Variants in ATP4B observed in about 807,000 individuals in gnomAD.
ATP4B encodes ATPase H+/K+ transporting subunit beta, also known as potassium-transporting ATPase subunit beta.
ATP4B carries 27 observed loss-of-function variants against 35.3 expected under a neutral mutation model. That is an observed-to-expected ratio of 0.76 (90% CI 0.56 to 1.05). The LOEUF is 1.05. Among genes scored for constraint, ATP4B ranks in the 50% least tolerant of loss-of-function variants. The pLI, the probability that ATP4B is intolerant of heterozygous loss-of-function variation, is 0.00. For synonymous variants in ATP4B, 162 were observed against 156.0 expected (o/e 1.04, Z -0.29); for missense variants, 375 against 384.8 (o/e 0.97, Z 0.21).
At chr13:113,657,980 G>A (rs1009412659) in intron 1 of ATP4B, 53 bp downstream of exon 1, 173 of 1,430,916 alleles carry the variant, frequency 1.2e-4, no homozygotes, top group East Asian at 8.1e-4. Context: ...TGGAGGCTGC[G>A]TCCTCAGAGC....
chr13:113,653,123 G>A (rs756439985), intron 3 of ATP4B, 51 bp from the exon 4 acceptor site: 54 of 1,571,222 alleles, frequency 3.4e-5, no homozygotes, highest in Non-Finnish European at 4.4e-5. Context: ...CCTGACGCCT[G>A]GCTGCCCCCC....
chr13:113,653,802 G>T (rs1473673852), intron 2 of ATP4B, among the ~76,000 whole-genome samples: 1 of 152,242 alleles, frequency 6.6e-6, no homozygotes, highest in Non-Finnish European at 1.5e-5. Context: ...ACTGGTTTTG[G>T]TTAAGAACAA....
rs2049741365 is a variant in ATP4B, at chr13:113,654,878, G to C, written c.177C>G (p.Leu59=). 6.2e-7 allele frequency: 1 copy of C among 1,614,126 alleles called. No homozygotes were observed. The highest frequency in any genetic ancestry group is 8.5e-7 in the Non-Finnish European group (1 of 1,180,048). ...VVMTGLFALC[L]YVLMQTVDPY... ...GGTCCACTGTCTGCATCAGCACATA[G>C]AGGCACAGGGCGAAGAGCCCAGTCA... The change falls in exon 2 of 7, where the codon CTC becomes CTG. Residue 59 remains leucine, a synonymous_variant. Transcript: ENST00000335288.
chr13:113,650,380 G>C lies in ATP4B; in HGVS notation c.714+26C>G. 1 of 1,598,900 alleles carries C rather than the reference G, an allele frequency of 6.3e-7. No homozygotes were observed. The highest frequency in any genetic ancestry group is 8.6e-7 in the Non-Finnish European group (1 of 1,166,500). The stretch of plus-strand genomic sequence containing the variant: ...TGAGAGGACTCAGCAGCTGTGGTGA[G>C]GGAAGCGTGGAAGGAAGGAACCTAC... On this transcript the variant is annotated intron_variant, in intron 6 of 6. Transcript: ENST00000335288. This position sits in a 1 kb window ranked among gnomAD's most constrained non-coding sequence, Gnocchi z 5.0.
chr13:113,652,737 A>G (rs2049721646), intron 4 of ATP4B, 136 bp downstream of exon 4: 1 of 981,774 alleles, frequency 1.0e-6, no homozygotes, highest in Non-Finnish European at 1.6e-6. Context: ...ACCAAGGTAC[A>G]GGGTGGTGAG....
At chr13:113,654,751 A>C (rs1054048726) in intron 2 of ATP4B, 63 bp downstream of exon 2, 127 of 1,570,990 alleles carry the variant, frequency 8.1e-5, no homozygotes, top group Non-Finnish European at 8.8e-5. Flanking sequence ...GGGCGTCTCC[A>C]GAGCCGAGGA....
At chr13:113,653,971 T>A (rs562880388) in intron 2 of ATP4B, among the ~76,000 whole-genome samples, 14 of 152,308 alleles carry the variant, frequency 9.2e-5, no homozygotes, top group Middle Eastern at 6.8e-3. Context: ...GAAACGTGTG[T>A]TTACTGCAGG....
In ATP4B at chr13:113,652,883, TTAA is replaced by T. The variant is rs2049723023; in HGVS notation, c.542_544del (p.Ile181del). On this transcript the variant is annotated inframe_deletion, in exon 4 of 7. Transcript: ENST00000335288. Reference sequence around the variant, plus strand: ...ACCCTCAGTACTCACCCTGTTCATTTTAATAATAAAACATGGCTTTCCTTCTTC... The same window carrying T: ...ACCCTCAGTACTCACCCTGTTCATTTTAATAAAACATGGCTTTCCTTCTTC... 1 of 1,614,202 alleles carries T rather than the reference TTAA, an allele frequency of 6.2e-7. No individual in the cohort carries two copies. The highest frequency in any genetic ancestry group is 8.5e-7 in the Non-Finnish European group (1 of 1,180,026).
At chr13:113,655,936 G>C (rs2049751408) in intron 1 of ATP4B, among the ~76,000 whole-genome samples, 1 of 152,246 alleles carries the variant, frequency 6.6e-6, no homozygotes, top group Non-Finnish European at 1.5e-5. Context: ...CCTCTTCTGT[G>C]AGCTGGGACA....
rs1458845073 is a variant in ATP4B at position 113,652,755 on chromosome 13, TC to T, written c.555+117del. The T allele has an allele frequency of 2.5e-6, 3 of 1,177,242 alleles. No individual in the cohort carries two copies. The African/African-American group carries it at 4.6e-5, about 18-fold the overall frequency. 72.9% of individuals were successfully genotyped at this position (1,177,242 alleles called of 1,614,324 possible). A position where few individuals can be genotyped will look rare whatever the true frequency, so the allele number is the denominator to read the frequency against. Reference sequence around the variant, plus strand: ...AAGGTACAGGGTGGTGAGGCTGGAGTCCCTGTCCCGCTTGGGCAAGCCCCAG... The same window carrying T: ...AAGGTACAGGGTGGTGAGGCTGGAGTCCTGTCCCGCTTGGGCAAGCCCCAG... On this transcript the variant is annotated intron_variant, in intron 4 of 6. Coordinates refer to ENST00000335288, the MANE Select transcript of ATP4B (RefSeq NM_000705.4).
Position 113,650,414 on chromosome 13 carries a change from T to A in ATP4B, c.706A>T (p.Lys236Ter). 6.2e-7 allele frequency: 1 copy of A among 1,613,814 alleles called. No homozygotes were observed. The highest frequency in any genetic ancestry group is 8.5e-7 in the Non-Finnish European group (1 of 1,179,730). ...SLHYFPYYGK[K>*]AQPHYSNPLV... is the part of the protein sequence containing the mutation. The stretch of plus-strand genomic sequence containing the variant: ...GGAAGGAAGGAACCTACCTGGGCTT[T>A]CTTCCCGTAATAAGGGAAGTAGTGC... The change falls in exon 6 of 7, where the codon AAA (lysine) becomes TAA (stop). Residue 236 changes from lysine (K) to a stop codon, truncating the protein, a stop_gained. Coordinates refer to ENST00000335288, the MANE Select transcript of ATP4B (RefSeq NM_000705.4). LOFTEE classifies it high-confidence loss of function. The surrounding 1 kb of genome is among the most constrained non-coding windows in gnomAD (Gnocchi z 5.0).
In ATP4B at chr13:113,649,788, G is replaced by A. The variant is rs1324254073; in HGVS notation, c.715-253C>T. On this transcript the variant is annotated intron_variant, in intron 6 of 6. Transcript: ENST00000335288. The surrounding 1 kb of genome is among the most constrained non-coding windows in gnomAD (Gnocchi z 4.7). Reference sequence around the variant, plus strand: ...GCTTCAAACTCTTACGATGATTAACGTAAAAATGAAACAGGAAAAGCACGT... The same window carrying A: ...GCTTCAAACTCTTACGATGATTAACATAAAAATGAAACAGGAAAAGCACGT... 3.3e-5 allele frequency among the ~76,000 whole-genome samples: 5 copies of A among 152,150 alleles called. No homozygotes were observed. Among genetic ancestry groups the A allele is most frequent in the Non-Finnish European group, 7.4e-5 (5 of 68,018 alleles).
intron 1 of ATP4B, among the ~76,000 whole-genome samples, chr13:113,657,273 C>G (rs1367707759): frequency 6.6e-6 from 1 of 152,214 alleles, no homozygotes; most frequent in Non-Finnish European, 1.5e-5. Flanking sequence ...GGGGACGGCA[C>G]CAGGCCAGCC....
rs766741661 is a variant in ATP4B at position 113,654,824 on chromosome 13, T to C, written c.231A>G (p.Leu77=). The C allele has an allele frequency of 2.5e-6, 4 of 1,614,010 alleles. No individual in the cohort carries two copies. In the South Asian group the frequency reaches 4.4e-5, roughly 18 times the overall value. ...DPYTPDYQDQ[L]RSPGVTLRPD... is the part of the protein sequence containing the mutation. ...ATCCCGGGCGCTTACCTGGTGACCG[T>C]AGCTGGTCTTGGTAGTCCGGTGTGT... Residue 77 remains leucine, a synonymous_variant, in exon 2 of 7, where the codon CTA becomes CTG. Transcript: ENST00000335288.
chr13:113,652,458 A>G (rs74422807), intron 4 of ATP4B, among the ~76,000 whole-genome samples: 8,281 of 152,108 alleles, frequency 0.054, 770 homozygotes, highest in African/African-American at 0.19. Flanking sequence ...TGGCTCAGGG[A>G]TCACCTCCCC....
rs560512153 is a variant in ATP4B at position 113,650,288 on chromosome 13, C to T, written c.714+118G>A. 1.6e-4 allele frequency: 151 copies of T among 956,610 alleles called. No individual in the cohort carries two copies. The African/African-American group carries it at 2.0e-3, about 13-fold the overall frequency. 59.3% of individuals were successfully genotyped at this position (956,610 alleles called of 1,614,324 possible). On this transcript the variant is annotated intron_variant, in intron 6 of 6. Transcript: ENST00000335288. The surrounding 1 kb of genome is among the most constrained non-coding windows in gnomAD (Gnocchi z 5.0). ...ACACGCAGAACGTTCCAGTCAGGAC[C>T]GGCTAAGTCACACCTTTGTTTCATT...
chr13:113,656,628 C>T (rs2049757433), intron 1 of ATP4B, among the ~76,000 whole-genome samples: 2 of 152,214 alleles, frequency 1.3e-5, no homozygotes, highest in African/African-American at 4.8e-5. Flanking sequence ...GCTCACTCTG[C>T]CTCTCCTGCA....
chr13:113,652,770 G>T, intron 4 of ATP4B, 103 bp downstream of exon 4: 1 of 1,384,100 alleles, frequency 7.2e-7, no homozygotes, highest in Non-Finnish European at 1.0e-6. Flanking sequence ...GTCCCGCTTG[G>T]GCAAGCCCCA....
At chr13:113,651,120 G>A (rs999554307) in intron 5 of ATP4B, among the ~76,000 whole-genome samples, 1 of 152,048 alleles carries the variant, frequency 6.6e-6, no homozygotes, top group African/African-American at 2.4e-5. Flanking sequence ...GGCTCCACGC[G>A]GTAATGGAAC....
Sources: allele counts gnomAD v4.1 joint callset (sites outside exome capture counted in the v4.1 genomes callset), GRCh38; gene constraint gnomAD v4.1.1; non-coding constraint Gnocchi (gnomAD v3.1); transcripts MANE v1.5; gene names NCBI Gene and HGNC (gene_info 2026-07-23, HGNC 2026-07-21).